MYT1L: variants seen among roughly 807,000 people sequenced by gnomAD.
MYT1L encodes myelin transcription factor 1 like.
In MYT1L, 12 loss-of-function variants were observed where a neutral mutation model predicts 126.7. The ratio of observed to expected loss-of-function variants is 0.09; its 90% confidence interval spans 0.06 to 0.15. The LOEUF is 0.15. Among genes scored for constraint, MYT1L ranks in the 10% least tolerant of loss-of-function variants. The pLI is 1.00. For missense variants in MYT1L, 979 were observed against 1,585.2 expected (o/e 0.62, Z 6.49); for synonymous variants, 541 against 604.2 (o/e 0.90, Z 1.53).
intron 3 of MYT1L, among the ~76,000 whole-genome samples, chr2:2,102,398 A>G (rs2078207254): frequency 6.6e-6 from 1 of 152,226 alleles, no homozygotes; most frequent in Non-Finnish European, 1.5e-5. Flanking sequence ...AAGCTATAAC[A>G]TATGTAGGGA....
chr2:1,935,600 G>A (rs1181919146), intron 9 of MYT1L, among the ~76,000 whole-genome samples: 5 of 152,118 alleles, frequency 3.3e-5, no homozygotes, highest in African/African-American at 9.7e-5. Context: ...ATAAGACAGC[G>A]AAGTGAAGGA....
intron 4 of MYT1L, among the ~76,000 whole-genome samples, chr2:2,009,247 C>T (rs769361510): frequency 6.6e-6 from 1 of 150,652 alleles, no homozygotes; most frequent in Non-Finnish European, 1.5e-5. Context: ...GCTATTGTTG[C>T]TATTGAAGAT....
intron 22 of MYT1L, among the ~76,000 whole-genome samples, chr2:1,804,471 G>T (rs2035380286): frequency 1.3e-5 from 2 of 152,180 alleles, no homozygotes; most frequent in African/African-American, 4.8e-5. Flanking sequence ...CAAGCTGTCA[G>T]GAGAAACTGC....
chr2:2,307,259 G>T (rs2095871004), intron 1 of MYT1L, among the ~76,000 whole-genome samples: 1 of 152,158 alleles, frequency 6.6e-6, no homozygotes, highest in South Asian at 2.1e-4. Context: ...TATTGTTTGA[G>T]CAGAAAAACG....
rs1252849445 is a variant in MYT1L at position 2,108,080 on chromosome 2, TTTC to T, written c.-303-53960_-303-53958del. 5.3e-5 allele frequency among the ~76,000 whole-genome samples: 8 copies of T among 152,210 alleles called. 1 individual carries two copies. Among genetic ancestry groups the T allele is most frequent in the African/African-American group, 1.7e-4 (7 of 41,460 alleles). On this transcript the variant is annotated intron_variant, in intron 3 of 24. Transcript: ENST00000647738. The stretch of plus-strand genomic sequence containing the variant: ...ACAGAAACGAACACCTTGGTTTGTC[TTTC>T]CAGACAAACCAGGAGGAGATGGGCA...
In MYT1L at chr2:1,842,980, G is replaced by GC. The variant is rs1343678087; in HGVS notation, c.2775-2138dup. The GC allele has an allele frequency of 5.0e-5, 6 of 119,362 alleles. No individual in the cohort carries two copies. The Admixed American group carries it at 5.6e-4, about 11-fold the overall frequency. 7.4% of individuals were successfully genotyped at this position (119,362 alleles called of 1,614,324 possible). On this transcript the variant is annotated intron_variant, in intron 19 of 24. Coordinates refer to ENST00000647738, the MANE Select transcript of MYT1L (RefSeq NM_001303052.2). ...TTCCAGGCGCGCGGTGCTAGTACCG[G>GC]CCCCCGGGCTGGGAACACCTCCAGG...
chr2:2,228,893 TACAGG>T lies in MYT1L; in HGVS notation c.-421+55506_-421+55510del, dbSNP rs2094088090. The stretch of plus-strand genomic sequence containing the variant: ...ACATATTAACAATCTTTTTAAAAAA[TACAGG>T]ACAAGGGCAAGTTAATAAGAAGAAA... On this transcript the variant is annotated intron_variant, in intron 2 of 24. Coordinates refer to ENST00000647738, the MANE Select transcript of MYT1L (RefSeq NM_001303052.2). The surrounding 1 kb of genome is among the most constrained non-coding windows in gnomAD (Gnocchi z 5.9). 6.6e-6 allele frequency among the ~76,000 whole-genome samples: 1 copy of T among 152,068 alleles called. No homozygotes were observed. Among genetic ancestry groups the T allele is most frequent in the Non-Finnish European group, 1.5e-5 (1 of 68,012 alleles).
At chr2:2,226,527 C>T (rs1217016468) in intron 2 of MYT1L, among the ~76,000 whole-genome samples, 1 of 152,028 alleles carries the variant, frequency 6.6e-6, no homozygotes, top group Non-Finnish European at 1.5e-5. Context: ...CTCTCTTTGG[C>T]ATGTTTCACC....
At chr2:2,122,870 T>TGAGAGA (rs1437538873) in intron 3 of MYT1L, among the ~76,000 whole-genome samples, 8 of 126,408 alleles carry the variant, frequency 6.3e-5, no homozygotes, top group African/African-American at 2.5e-4. Flanking sequence ...TGTGTGTGTG[T>TGAGAGA]GTGAGAGAGA....
At chr2:1,918,026 T>C (rs1384535073) in intron 10 of MYT1L, among the ~76,000 whole-genome samples, 2 of 152,288 alleles carry the variant, frequency 1.3e-5, no homozygotes, top group African/African-American at 4.8e-5. Flanking sequence ...TTTTGATTTC[T>C]TCATCTGTAC....
intron 19 of MYT1L, among the ~76,000 whole-genome samples, chr2:1,851,331 C>A (rs2148527031): frequency 6.6e-6 from 1 of 152,162 alleles, no homozygotes; most frequent in Admixed American, 6.5e-5. Flanking sequence ...ATAGTAGATA[C>A]TGTTCTTTTG....
At chr2:1,983,586 T>C (rs1381573456) in intron 5 of MYT1L, among the ~76,000 whole-genome samples, 1 of 152,184 alleles carries the variant, frequency 6.6e-6, no homozygotes, top group Non-Finnish European at 1.5e-5. Context: ...TCTTCAGGAC[T>C]CCCCAGCCCC....
At position 1,801,846 on chromosome 2, in the gene MYT1L, A is replaced by AAT; in HGVS notation, c.3173-48_3173-47insAT. ...TGTTAAAACTGTTATATACAAAAAT[A>AAT]TTAGAGTTAGAATTTTGGGAGCTTT... On this transcript the variant is annotated intron_variant, in intron 22 of 24. Transcript: ENST00000647738. This position sits in a 1 kb window ranked among gnomAD's most constrained non-coding sequence, Gnocchi z 4.2. 8.2e-7 allele frequency: 1 copy of AAT among 1,226,676 alleles called. No homozygotes were observed. The highest frequency in any genetic ancestry group is 2.4e-5 in the East Asian group (1 of 40,838). 76.0% of individuals were successfully genotyped at this position (1,226,676 alleles called of 1,614,324 possible).
intron 3 of MYT1L, among the ~76,000 whole-genome samples, chr2:2,076,768 A>G (rs1259124069): frequency 6.6e-6 from 1 of 151,632 alleles, no homozygotes; most frequent in African/African-American, 2.4e-5. Context: ...TCCAGTTGTC[A>G]TTACAAAAAG....
At chr2:2,152,735 T>A (rs920889160) in intron 3 of MYT1L, among the ~76,000 whole-genome samples, 3 of 152,134 alleles carry the variant, frequency 2.0e-5, no homozygotes, top group African/African-American at 7.2e-5. Flanking sequence ...CTACTGGTGA[T>A]GAGAAGGCAG....
chr2:1,840,681 A>T, intron 20 of MYT1L, 79 bp downstream of exon 20: 1 of 1,013,768 alleles, frequency 9.9e-7, no homozygotes, highest in Non-Finnish European at 1.5e-6. Flanking sequence ...TTTCTTGTTG[A>T]CATATACTTG....
At chr2:1,846,384 G>C (rs1376370743) in intron 19 of MYT1L, among the ~76,000 whole-genome samples, 2 of 152,174 alleles carry the variant, frequency 1.3e-5, no homozygotes, top group African/African-American at 2.4e-5. Context: ...TAATTTCCTA[G>C]ACAGAAACTG....
At chr2:1,820,403 C>T (rs2038360615) in intron 21 of MYT1L, among the ~76,000 whole-genome samples, 1 of 152,140 alleles carries the variant, frequency 6.6e-6, no homozygotes, top group African/African-American at 2.4e-5. Flanking sequence ...TGATGATGAA[C>T]CTCTGTGTGG....
rs778677295 is a variant in MYT1L at position 1,839,417 on chromosome 2, C to T, written c.2859-47G>A. 1.7e-5 allele frequency: 26 copies of T among 1,531,570 alleles called. No individual in the cohort carries two copies. In the South Asian group the frequency reaches 2.4e-4, roughly 14 times the overall value. 94.9% of individuals were successfully genotyped at this position (1,531,570 alleles called of 1,614,324 possible). A position where few individuals can be genotyped will look rare whatever the true frequency, so the allele number is the denominator to read the frequency against. ...ACACTTTATTGTCTGGCCACCGTCG[C>T]CTGGTGGCTTCTGTAACAAAGTCAG... On this transcript the variant is annotated intron_variant, in intron 20 of 24. Transcript: ENST00000647738.
Sources: gnomAD v4.1 joint callset for allele counts (sites outside exome capture counted in the v4.1 genomes callset) on GRCh38, gnomAD v4.1.1 for gene constraint, Gnocchi (gnomAD v3.1) non-coding constraint, MANE v1.5 for transcripts, NCBI Gene and HGNC (gene_info 2026-07-23, HGNC 2026-07-21) for gene names.